Variants in FAM234B observed in about 807,000 individuals in gnomAD.
The protein encoded by FAM234B is protein FAM234B.
FAM234B carries 33 observed loss-of-function variants against 69.3 expected under a neutral mutation model. The observed-to-expected ratio is 0.48, with a 90% CI of 0.36 to 0.64. The LOEUF (loss-of-function observed/expected upper bound fraction) is 0.64. Among genes scored for constraint, FAM234B ranks in the 30% least tolerant of loss-of-function variants. FAM234B has a pLI of 0.00. For synonymous variants in FAM234B, 306 were observed against 306.9 expected, an observed-to-expected ratio of 1.00 and a Z score of 0.03; for missense variants, 697 against 769.7, an observed-to-expected ratio of 0.91 and a Z score of 1.12.
At chr12:13,063,055 A>T in intron 5 of FAM234B, 80 bp downstream of exon 5, 2 of 1,456,680 alleles carry the variant, frequency 1.4e-6, no homozygotes, top group Non-Finnish European at 1.9e-6. Context: ...GTGTTACATT[A>T]TAAATGCTGC....
At position 13,071,312 on chromosome 12, in the gene FAM234B, G is replaced by A. The variant is rs569594124; in HGVS notation, c.1440G>A (p.Thr480=). The change falls in exon 10 of 13, where the codon ACG becomes ACA. Residue 480 remains threonine, a synonymous_variant. Transcript: ENST00000197268. ...SYRAPCHMKE[T]PATSAVTSDQ... is the part of the protein sequence containing the mutation. ...GTGCTCCGTGTCACATGAAAGAAAC[G>A]CCAGCCACCTCAGCAGTTACTTCAG... 19 of 1,614,108 alleles carry A rather than the reference G, an allele frequency of 1.2e-5. No individual in the cohort carries two copies. Among genetic ancestry groups the A allele is most frequent in the Middle Eastern group, 1.6e-4 (1 of 6,062 alleles).
At chr12:13,075,182 T>C (rs1865145980) in intron 10 of FAM234B, among the ~76,000 whole-genome samples, 1 of 152,228 alleles carries the variant, frequency 6.6e-6, no homozygotes, top group Non-Finnish European at 1.5e-5. Context: ...CTCTGTCTGG[T>C]CAACATTCCA....
chr12:13,078,016 C>G (rs1478187307), intron 11 of FAM234B, among the ~76,000 whole-genome samples: 1 of 151,022 alleles, frequency 6.6e-6, no homozygotes, highest in Non-Finnish European at 1.5e-5. Flanking sequence ...TCTCTGATGG[C>G]CAGTGATGGT....
intron 7 of FAM234B, 60 bp from the exon 8 acceptor site, chr12:13,068,244 A>T: frequency 1.9e-6 from 3 of 1,597,180 alleles, no homozygotes; most frequent in Non-Finnish European, 2.6e-6. Flanking sequence ...AAGCCAAAGT[A>T]AATGGCTCAG....
Position 13,044,402 on chromosome 12 carries a change from C to G in FAM234B, c.-2C>G, listed in dbSNP as rs1048745037. On this transcript the variant is annotated 5_prime_UTR_variant, in exon 1 of 13. Transcript: ENST00000197268. The surrounding 1 kb of genome is among the most constrained non-coding windows in gnomAD (Gnocchi z 5.6). ...GCGCGCACGCGCACCGGGGCCTCAG[C>G]CATGGCGACCGTGCTGTCCAGGGCG... The G allele has an allele frequency of 1.3e-6, 2 of 1,551,600 alleles. No individual in the cohort carries two copies. The highest frequency in any genetic ancestry group is 1.4e-5 in the African/African-American group (1 of 73,204).
intron 1 of FAM234B, among the ~76,000 whole-genome samples, chr12:13,052,422 GATAT>G (rs5796519): frequency 1.3e-5 from 2 of 150,028 alleles, no homozygotes; most frequent in Non-Finnish European, 3.0e-5. Flanking sequence ...CTGTTTTTCA[GATAT>G]ATATATATAT....
intron 5 of FAM234B, among the ~76,000 whole-genome samples, chr12:13,066,187 C>A (rs536305999): frequency 6.6e-6 from 1 of 152,200 alleles, no homozygotes; most frequent in African/African-American, 2.4e-5. Context: ...TTGCTGTTCT[C>A]TCTTTGAGAA....
At chr12:13,064,719 A>G (rs1865019111) in intron 5 of FAM234B, among the ~76,000 whole-genome samples, 1 of 152,166 alleles carries the variant, frequency 6.6e-6, no homozygotes, top group African/African-American at 2.4e-5. Flanking sequence ...CACTAGGTAT[A>G]TAGCGCAGCA....
chr12:13,071,505 G>A, intron 10 of FAM234B, 109 bp downstream of exon 10: 5 of 1,046,786 alleles, frequency 4.8e-6, no homozygotes, highest in Non-Finnish European at 7.0e-6. Flanking sequence ...CCAAGGGGTT[G>A]GAATAGAAAC....
At chr12:13,065,006 C>T (rs746085901) in intron 5 of FAM234B, among the ~76,000 whole-genome samples, 27 of 152,132 alleles carry the variant, frequency 1.8e-4, no homozygotes, top group Admixed American at 3.9e-4. Context: ...ATGCTATGAT[C>T]TCTGGTTCAG....
intron 1 of FAM234B, among the ~76,000 whole-genome samples, chr12:13,053,787 C>A (rs1864900234): frequency 6.6e-6 from 1 of 152,192 alleles, no homozygotes; most frequent in African/African-American, 2.4e-5. Flanking sequence ...CCTAGTAAGC[C>A]TGAGGGTACC....
At chr12:13,057,885 A>ATGG (rs1195883791) in intron 2 of FAM234B, among the ~76,000 whole-genome samples, 1 of 152,084 alleles carries the variant, frequency 6.6e-6, no homozygotes, top group East Asian at 1.9e-4. Context: ...CATGACCCTG[A>ATGG]TGGTGGTGGT....
At position 13,080,702 on chromosome 12, in the gene FAM234B, A is replaced by G; in HGVS notation, c.*72A>G. Reference sequence around the variant, plus strand: ...CTCTCTACTCTCCTGTCACTGTAAAATCAGTTCTATGGAGAGAAGACTTCT... The same window carrying G: ...CTCTCTACTCTCCTGTCACTGTAAAGTCAGTTCTATGGAGAGAAGACTTCT... On this transcript the variant is annotated 3_prime_UTR_variant, in exon 13 of 13. Coordinates refer to ENST00000197268, the MANE Select transcript of FAM234B (RefSeq NM_020853.2). The G allele has an allele frequency of 3.8e-6, 5 of 1,302,740 alleles. No individual in the cohort carries two copies. In the South Asian group the frequency reaches 4.9e-5, roughly 13 times the overall value. The allele number at this position is 1,302,740 out of a possible 1,614,324, so 80.7% of individuals were successfully genotyped here. A position where few individuals can be genotyped will look rare whatever the true frequency, so the allele number is the denominator to read the frequency against.
intron 4 of FAM234B, 59 bp downstream of exon 4, chr12:13,061,822 A>G (rs1565509060): frequency 1.7e-5 from 26 of 1,508,210 alleles, no homozygotes; most frequent in Non-Finnish European, 2.2e-5. Context: ...TTGGATTAGA[A>G]TAATCTGTTG....
chr12:13,053,306 A>AT (rs1169504254), intron 1 of FAM234B, among the ~76,000 whole-genome samples: 9 of 152,218 alleles, frequency 5.9e-5, no homozygotes, highest in Admixed American at 2.6e-4. Flanking sequence ...AAATTTATTG[A>AT]TTTTTTTAAT....
intron 1 of FAM234B, among the ~76,000 whole-genome samples, chr12:13,049,703 A>G (rs1384364966): frequency 6.6e-6 from 1 of 152,234 alleles, no homozygotes; most frequent in Non-Finnish European, 1.5e-5. Context: ...TGCTTATTTC[A>G]GAGAAGACGA....
intron 3 of FAM234B, among the ~76,000 whole-genome samples, chr12:13,059,528 C>T (rs1864963566): frequency 6.6e-6 from 1 of 152,212 alleles, no homozygotes; most frequent in South Asian, 2.1e-4. Flanking sequence ...TTGGTTGATC[C>T]TGCAGCCTCC....
rs771144936 is a variant in FAM234B at position 13,068,624 on chromosome 12, T to A, written c.1287-6T>A. The A allele has an allele frequency of 1.2e-6, 2 of 1,609,624 alleles. No individual in the cohort carries two copies. The highest frequency in any genetic ancestry group is 2.7e-5 in the African/African-American group (2 of 74,792). On this transcript the variant is annotated splice_polypyrimidine_tract_variant and splice_region_variant and intron_variant, in intron 8 of 12. Coordinates refer to ENST00000197268, the MANE Select transcript of FAM234B (RefSeq NM_020853.2). ...TATTGATTGCTTACTTTGTCCTTAT[T>A]TGCAGCCAGCCTACTCCTGGATATT... is the stretch of plus-strand genomic sequence containing the variant.
In FAM234B at chr12:13,081,333, C is replaced by T. The variant is rs562989156; in HGVS notation, c.*703C>T. 5 of 152,352 alleles carry T rather than the reference C, an allele frequency of 3.3e-5. No homozygotes were observed. The highest frequency in any genetic ancestry group is 1.2e-4 in the African/African-American group (5 of 41,572). 9.4% of individuals were successfully genotyped at this position (152,352 alleles called of 1,614,324 possible). A position where few individuals can be genotyped will look rare whatever the true frequency, so the allele number is the denominator to read the frequency against. ...ACCACAAGAATAACTATATTCCTAT[C>T]ACAAGGGGAGCAAGAGGATGTAGTC... On this transcript the variant is annotated 3_prime_UTR_variant, in exon 13 of 13. Coordinates refer to ENST00000197268, the MANE Select transcript of FAM234B (RefSeq NM_020853.2).
Sources: gnomAD v4.1 joint callset for allele counts (sites outside exome capture counted in the v4.1 genomes callset) on GRCh38, gnomAD v4.1.1 for gene constraint, Gnocchi (gnomAD v3.1) non-coding constraint, MANE v1.5 for transcripts, NCBI Gene and HGNC (gene_info 2026-07-23, HGNC 2026-07-21) for gene names.